DISC1: variants seen among roughly 807,000 people sequenced by gnomAD.
DISC1 encodes DISC1 scaffold protein.
DISC1 carries 57 observed loss-of-function variants against 84.5 expected under a neutral mutation model. The observed-to-expected ratio is 0.67, with a 90% confidence interval of 0.55 to 0.84. The LOEUF (loss-of-function observed/expected upper bound fraction) is 0.84. Ranked by LOEUF, DISC1 falls within the 40% of genes least tolerant of loss-of-function variation. The pLI is 0.00. For synonymous variants in DISC1, 411 were observed against 415.2 expected (o/e 0.99, Z 0.12); for missense variants, 1,000 against 1,057.8 (o/e 0.95, Z 0.76).
At chr1:231,848,466 T>C (rs549831798) in intron 9 of DISC1, among the ~76,000 whole-genome samples, 4 of 152,294 alleles carry the variant, frequency 2.6e-5, no homozygotes, top group African/African-American at 9.6e-5. Flanking sequence ...TCTGGAAAGC[T>C]AGTTAAAATG....
chr1:231,673,244 T>TA (rs2062797313), intron 1 of DISC1, among the ~76,000 whole-genome samples: 1 of 152,204 alleles, frequency 6.6e-6, no homozygotes, highest in Non-Finnish European at 1.5e-5. Flanking sequence ...TCCACTCCAT[T>TA]ACTGGTGTGC....
rs149702548 is a variant in DISC1 at position 231,694,537 on chromosome 1, G to A, written c.779G>A (p.Arg260Gln). The A allele has an allele frequency of 5.0e-5, 81 of 1,614,102 alleles. No individual in the cohort carries two copies. The highest frequency in any genetic ancestry group is 1.2e-4 in the Admixed American group (7 of 60,012). ...TTGGACGGGCCTCACGAGGACCCGCGATGTCTCTCTCGGCCCTTCAGTCTC... is the reference window on the plus strand; with the variant it reads ...TTGGACGGGCCTCACGAGGACCCGCAATGTCTCTCTCGGCCCTTCAGTCTC... Reference protein sequence around the residue: ...ASLDGPHEDPRCLSRPFSLLA... With the variant: ...ASLDGPHEDPQCLSRPFSLLA... Residue 260 changes from arginine to glutamine, a missense_variant, in exon 2 of 13, where the codon CGA becomes CAA. Arg to Gln is a conservative substitution (Grantham distance 43). Coordinates refer to ENST00000439617, the MANE Select transcript of DISC1 (RefSeq NM_018662.3).
intron 1 of DISC1, among the ~76,000 whole-genome samples, chr1:231,645,611 C>T (rs183011132): frequency 6.6e-6 from 1 of 151,844 alleles, no homozygotes; most frequent in Non-Finnish European, 1.5e-5. Context: ...TGTTGGTTTG[C>T]TGCACCCACT....
chr1:231,637,875 A>G (rs1572370655), intron 1 of DISC1, among the ~76,000 whole-genome samples: 2 of 152,350 alleles, frequency 1.3e-5, no homozygotes, highest in Non-Finnish European at 1.5e-5. Context: ...GGATTGCTAT[A>G]TTAAATGGTA....
chr1:231,645,209 A>G (rs941223187), intron 1 of DISC1, among the ~76,000 whole-genome samples: 2 of 152,158 alleles, frequency 1.3e-5, no homozygotes, highest in Non-Finnish European at 2.9e-5. Flanking sequence ...CTGTGTCAGA[A>G]GAGGATTGGT....
intron 3 of DISC1, among the ~76,000 whole-genome samples, chr1:231,739,708 C>G (rs2072997804): frequency 1.3e-5 from 2 of 152,208 alleles, no homozygotes; most frequent in South Asian, 4.1e-4. Flanking sequence ...TTACCCAAAG[C>G]ATTATTAATT....
At chr1:231,838,718 C>T (rs1167546900) in intron 9 of DISC1, among the ~76,000 whole-genome samples, 1 of 152,096 alleles carries the variant, frequency 6.6e-6, no homozygotes, top group Non-Finnish European at 1.5e-5. Flanking sequence ...TGTGTAAGGC[C>T]CTTCTTTTGC....
intron 9 of DISC1, among the ~76,000 whole-genome samples, chr1:231,857,308 T>G (rs1244295282): frequency 6.6e-6 from 1 of 152,238 alleles, no homozygotes; most frequent in African/African-American, 2.4e-5. Flanking sequence ...CTCTTACTTT[T>G]TCACACATTT....
At chr1:231,968,265 T>G (rs1425856069) in intron 10 of DISC1, among the ~76,000 whole-genome samples, 1 of 152,108 alleles carries the variant, frequency 6.6e-6, no homozygotes, top group East Asian at 1.9e-4. Flanking sequence ...GAGTTCCATC[T>G]TCTAGAATTC....
At position 231,641,741 on chromosome 1, in the gene DISC1, C is replaced by A. The variant is rs559941388; in HGVS notation, c.67+14807C>A. On this transcript the variant is annotated intron_variant, in intron 1 of 12. Coordinates refer to ENST00000439617, the MANE Select transcript of DISC1 (RefSeq NM_018662.3). ...GACACAAATGTTCGCCACCTCCCCA[C>A]CAGATTAGCTAGATACAGAGTGTCC... Among the ~76,000 whole-genome samples, 56 of 152,340 alleles carry A rather than the reference C, an allele frequency of 3.7e-4. No homozygotes were observed. In the South Asian group the frequency reaches 5.0e-3, roughly 14 times the overall value.
At chr1:231,966,190 C>T (rs547448072) in intron 10 of DISC1, among the ~76,000 whole-genome samples, 4 of 152,194 alleles carry the variant, frequency 2.6e-5, no homozygotes, top group Admixed American at 6.5e-5. Context: ...GTCAAGGCAA[C>T]CTGAGAAGAT....
chr1:231,626,808 G>A lies in DISC1; in HGVS notation c.-60G>A. 1 of 1,279,592 alleles carries A rather than the reference G, an allele frequency of 7.8e-7. No individual in the cohort carries two copies. The highest frequency in any genetic ancestry group is 1.0e-6 in the Non-Finnish European group (1 of 985,318). The allele number at this position is 1,279,592 out of a possible 1,614,324, so 79.3% of individuals were successfully genotyped here. A position where few individuals can be genotyped will look rare whatever the true frequency, so the allele number is the denominator to read the frequency against. On this transcript the variant is annotated 5_prime_UTR_variant, in exon 1 of 13. Transcript: ENST00000439617. ...CGCTGCTCCCTTCCCCCCGCCTCTG[G>A]CCTCGGGGAAGGAGCAGGAGGCAGC...
rs2076514932 is a variant in DISC1 at position 231,771,037 on chromosome 1, C to T, written c.1601C>T (p.Pro534Leu). 2 of 1,609,448 alleles carry T rather than the reference C, an allele frequency of 1.2e-6. No homozygotes were observed. Among genetic ancestry groups the T allele is most frequent in the Non-Finnish European group, 8.5e-7 (1 of 1,177,708 alleles). Residue 534 changes from proline to leucine, a missense_variant, in exon 6 of 13, where the codon CCC (proline) becomes CTC (leucine). Around this residue, in one of 3 missense-constraint regions of DISC1, gnomAD observed 397 missense variants for 377.5 expected, o/e 1.05. Coordinates refer to ENST00000439617, the MANE Select transcript of DISC1 (RefSeq NM_018662.3). The part of the protein sequence containing the change: ...QDTLASAGQI[P>L]FHAEPPETIR... ...ACCCTGGCCTCAGCCGGTCAGATTC[C>T]CTTCCATGCAGAGCCACCGGAAACC... is the stretch of plus-strand genomic sequence containing the variant.
intron 10 of DISC1, among the ~76,000 whole-genome samples, chr1:232,004,384 G>A (rs1418425560): frequency 6.6e-6 from 1 of 151,838 alleles, no homozygotes; most frequent in Non-Finnish European, 1.5e-5. Context: ...CTGAAAAGGA[G>A]ATCTACGAAC....
intron 9 of DISC1, among the ~76,000 whole-genome samples, chr1:231,838,281 C>T (rs545754915): frequency 8.8e-5 from 12 of 136,670 alleles, no homozygotes; most frequent in African/African-American, 2.3e-4. Flanking sequence ...AACTGTGTTC[C>T]GGTTGCTTAA....
intron 1 of DISC1, among the ~76,000 whole-genome samples, chr1:231,636,106 T>C (rs1349702685): frequency 6.6e-6 from 1 of 152,224 alleles, no homozygotes. Flanking sequence ...TACTCCTAGG[T>C]ATGACAATTT....
chr1:231,712,270 T>C (rs965820393), intron 3 of DISC1, among the ~76,000 whole-genome samples: 2 of 152,194 alleles, frequency 1.3e-5, no homozygotes, highest in Admixed American at 1.3e-4. Flanking sequence ...TAAATTTATG[T>C]TGTTTTAAGC....
intron 1 of DISC1, among the ~76,000 whole-genome samples, chr1:231,644,103 A>C (rs893678086): frequency 6.6e-6 from 1 of 152,194 alleles, no homozygotes; most frequent in African/African-American, 2.4e-5. Flanking sequence ...GGCATGCTTT[A>C]TCTGGCTCCA....
At chr1:231,650,229 C>T (rs181057103) in intron 1 of DISC1, among the ~76,000 whole-genome samples, 5 of 152,272 alleles carry the variant, frequency 3.3e-5, no homozygotes, top group African/African-American at 1.2e-4. Context: ...TTTAGTGCTT[C>T]CTTCAGGAGC....
Sources: gnomAD v4.1 joint callset for allele counts (sites outside exome capture counted in the v4.1 genomes callset) on GRCh38, gnomAD v4.1.1 for gene constraint, gnomAD v4.1.1 regional missense constraint, MANE v1.5 for transcripts, NCBI Gene and HGNC (gene_info 2026-07-23, HGNC 2026-07-21) for gene names.